The following PTPRD variants were observed in gnomAD, a reference collection of about 807,000 sequenced individuals.
The protein encoded by PTPRD is receptor-type tyrosine-protein phosphatase delta.
PTPRD carries 34 observed loss-of-function variants against 214.5 expected under a neutral mutation model. That is an observed-to-expected ratio of 0.16 (90% CI 0.12 to 0.21). PTPRD has a LOEUF of 0.21. Ranked by LOEUF, PTPRD falls within the 10% of genes least tolerant of loss-of-function variation. The probability of loss-of-function intolerance (pLI) is 1.00; values close to 1 mark genes in which losing one functional copy is unlikely to be tolerated. For synonymous variants in PTPRD, 1,128 were observed against 845.7 expected (o/e 1.33, Z -5.79); for missense variants, 2,545 against 2,398.7 (o/e 1.06, Z -1.27).
intron 3 of PTPRD, among the ~76,000 whole-genome samples, chr9:10,257,307 C>G (rs1208852192): frequency 6.6e-6 from 1 of 152,136 alleles, no homozygotes; most frequent in African/African-American, 2.4e-5. Flanking sequence ...TTTGCTTGCT[C>G]CACTCAAATC....
chr9:10,590,857 G>A (rs910140311), intron 2 of PTPRD, among the ~76,000 whole-genome samples: 13 of 151,140 alleles, frequency 8.6e-5, no homozygotes, highest in African/African-American at 3.2e-4. Flanking sequence ...GGAGGCAAAT[G>A]TTATATACTG....
chr9:8,631,212 T>C (rs1367898739), intron 14 of PTPRD, among the ~76,000 whole-genome samples: 2 of 151,964 alleles, frequency 1.3e-5, no homozygotes, highest in East Asian at 3.9e-4. Flanking sequence ...CTAAGATTCC[T>C]GCCAGTTCTA....
chr9:9,648,690 A>ATT (rs1402404069), intron 7 of PTPRD, among the ~76,000 whole-genome samples: 2 of 152,202 alleles, frequency 1.3e-5, no homozygotes, highest in Non-Finnish European at 2.9e-5. Context: ...TTGAAAACTA[A>ATT]TTAGCCATGA....
intron 3 of PTPRD, among the ~76,000 whole-genome samples, chr9:10,181,322 G>A (rs931147236): frequency 1.1e-4 from 17 of 152,164 alleles, no homozygotes; most frequent in African/African-American, 3.4e-4. Context: ...TAAAGGCTAC[G>A]ACTAGCGTAT....
intron 5 of PTPRD, among the ~76,000 whole-genome samples, chr9:9,935,311 T>C (rs924062778): frequency 2.0e-5 from 3 of 152,152 alleles, no homozygotes; most frequent in African/African-American, 7.2e-5. Context: ...GACATGATTG[T>C]ATATCTAGAA....
At chr9:10,113,113 G>T (rs1269497221) in intron 3 of PTPRD, among the ~76,000 whole-genome samples, 1 of 152,136 alleles carries the variant, frequency 6.6e-6, no homozygotes, top group African/African-American at 2.4e-5. Flanking sequence ...AGCCAGCTTT[G>T]TCAGCAGCGT....
At chr9:9,916,569 C>T (rs1016644726) in intron 5 of PTPRD, among the ~76,000 whole-genome samples, 1 of 151,554 alleles carries the variant, frequency 6.6e-6, no homozygotes, top group African/African-American at 2.4e-5. Context: ...ATATATGTTG[C>T]CTACAAGAAC....
At chr9:10,330,980 C>T (rs568473523) in intron 3 of PTPRD, among the ~76,000 whole-genome samples, 9 of 151,884 alleles carry the variant, frequency 5.9e-5, no homozygotes, top group African/African-American at 2.2e-4. Flanking sequence ...GGTCCCAGTT[C>T]ATCCTTGTGG....
chr9:10,414,469 A>G lies in PTPRD; in HGVS notation c.-599-73452T>C, dbSNP rs571842340. Among the ~76,000 whole-genome samples, 3 of 152,078 alleles carry G rather than the reference A, an allele frequency of 2.0e-5. No individual in the cohort carries two copies. The East Asian group carries it at 5.9e-4, about 30-fold the overall frequency. Reference sequence around the variant, plus strand: ...GCTGGCAAGATCATGCAGAAAAAGGAACACTTAGACACTGTTGGTGGATGT... The same window carrying G: ...GCTGGCAAGATCATGCAGAAAAAGGGACACTTAGACACTGTTGGTGGATGT... On this transcript the variant is annotated intron_variant, in intron 2 of 45. Coordinates refer to ENST00000381196, the MANE Select transcript of PTPRD (RefSeq NM_002839.4).
At chr9:9,279,833 A>G (rs2133470699) in intron 9 of PTPRD, among the ~76,000 whole-genome samples, 1 of 151,330 alleles carries the variant, frequency 6.6e-6, no homozygotes, top group South Asian at 2.1e-4. Flanking sequence ...TTTTATTTTA[A>G]AACTATGGTC....
chr9:10,526,757 A>G (rs2134441599), intron 2 of PTPRD, among the ~76,000 whole-genome samples: 1 of 152,246 alleles, frequency 6.6e-6, no homozygotes, highest in African/African-American at 2.4e-5. Flanking sequence ...GAGGTTCCTT[A>G]AAGTTACAGT....
At chr9:9,469,688 C>G (rs769324446) in intron 8 of PTPRD, among the ~76,000 whole-genome samples, 3 of 152,130 alleles carry the variant, frequency 2.0e-5, no homozygotes, top group African/African-American at 7.2e-5. Context: ...TTGGTGCTTT[C>G]TAACAGTTCA....
chr9:8,476,094 C>T (rs2096758718), intron 30 of PTPRD, among the ~76,000 whole-genome samples: 1 of 152,150 alleles, frequency 6.6e-6, no homozygotes, highest in Non-Finnish European at 1.5e-5. Flanking sequence ...CAGTTTCTTG[C>T]ATTTACCCTA....
chr9:10,516,917 A>C (rs1310219964), intron 2 of PTPRD, among the ~76,000 whole-genome samples: 2 of 151,406 alleles, frequency 1.3e-5, no homozygotes, highest in Non-Finnish European at 3.0e-5. Context: ...TTGCTATTCT[A>C]TTTCATTGGC....
rs1472889574 is a variant in PTPRD at position 10,477,975 on chromosome 9, T to G, written c.-600+134423A>C. ...GAGGTGGACATCACACCGAGAACTGTCAGGGGATGGGGGACAAGGGGAGGG... is the reference window on the plus strand; with the variant it reads ...GAGGTGGACATCACACCGAGAACTGGCAGGGGATGGGGGACAAGGGGAGGG... On this transcript the variant is annotated intron_variant, in intron 2 of 45. Coordinates refer to ENST00000381196, the MANE Select transcript of PTPRD (RefSeq NM_002839.4). Among the ~76,000 whole-genome samples the G allele has an allele frequency of 2.7e-5, 4 of 148,206 alleles. No individual in the cohort carries two copies. In the Admixed American group the frequency reaches 2.7e-4, roughly 10 times the overall value.
chr9:9,592,650 T>C (rs748909434), intron 7 of PTPRD, among the ~76,000 whole-genome samples: 2 of 152,078 alleles, frequency 1.3e-5, no homozygotes, highest in East Asian at 1.9e-4. Flanking sequence ...GCCAATTTCC[T>C]GGTATCTACA....
At chr9:10,274,600 A>G (rs1564941416) in intron 3 of PTPRD, among the ~76,000 whole-genome samples, 2 of 152,188 alleles carry the variant, frequency 1.3e-5, no homozygotes, top group African/African-American at 4.8e-5. Context: ...GCTTGCATTC[A>G]CCACCTTTCA....
chr9:9,198,013 G>C (rs985018857), intron 9 of PTPRD, among the ~76,000 whole-genome samples: 14 of 152,100 alleles, frequency 9.2e-5, no homozygotes, highest in African/African-American at 3.4e-4. Flanking sequence ...TTTCAAATAA[G>C]TGTTATGCAG....
chr9:10,339,429 A>T (rs2096900353), intron 3 of PTPRD, among the ~76,000 whole-genome samples: 1 of 151,728 alleles, frequency 6.6e-6, no homozygotes, highest in Admixed American at 6.6e-5. Flanking sequence ...TGCAAATTTA[A>T]GGTAAACAGG....
Sources: allele counts gnomAD v4.1 joint callset (sites outside exome capture counted in the v4.1 genomes callset), GRCh38; gene constraint gnomAD v4.1.1; transcripts MANE v1.5; gene names NCBI Gene and HGNC (gene_info 2026-07-23, HGNC 2026-07-21).